The following MCPH1 variants were observed in gnomAD, a reference collection of about 807,000 sequenced individuals.
The protein encoded by MCPH1 is microcephalin.
A neutral mutation model predicts 84.5 loss-of-function variants in MCPH1; 104 were observed. The ratio of observed to expected loss-of-function variants is 1.23; its 90% CI spans 1.05 to 1.45. MCPH1 has a LOEUF of 1.45. MCPH1 is among the 40% of genes most tolerant of loss of function. The pLI is 0.00. For synonymous variants in MCPH1, 514 were observed against 366.8 expected, an observed-to-expected ratio of 1.40 and a Z score of -4.58; for missense variants, 1,498 against 1,005.7, an observed-to-expected ratio of 1.49 and a Z score of -6.62.
chr8:6,500,511 G>C (rs948800825), intron 12 of MCPH1: 6 of 154,034 alleles, frequency 3.9e-5, no homozygotes, highest in African/African-American at 1.4e-4. Flanking sequence ...TCATTCAAAA[G>C]ATTAATAGCT....
chr8:6,635,946 G>A (rs547471354), intron 13 of MCPH1, among the ~76,000 whole-genome samples: 3 of 152,330 alleles, frequency 2.0e-5, no homozygotes, highest in Non-Finnish European at 2.9e-5. Context: ...CCCTGAGCAC[G>A]TAAGTCTTCA....
chr8:6,618,306 A>G (rs114678511), intron 12 of MCPH1, among the ~76,000 whole-genome samples: 1,933 of 152,330 alleles, frequency 0.013, 43 homozygotes, highest in African/African-American at 0.044. Context: ...TTTAAAATGT[A>G]CCAGTGTGGG....
intron 11 of MCPH1, among the ~76,000 whole-genome samples, chr8:6,493,410 C>A (rs1810876260): frequency 6.6e-6 from 1 of 152,198 alleles, no homozygotes; most frequent in South Asian, 2.1e-4. Flanking sequence ...AGCTTGTTTT[C>A]CCTCTCACCA....
At chr8:6,470,359 C>G (rs1161826336) in intron 9 of MCPH1, among the ~76,000 whole-genome samples, 1 of 152,180 alleles carries the variant, frequency 6.6e-6, no homozygotes, top group Non-Finnish European at 1.5e-5. Flanking sequence ...TCTCCGCTCA[C>G]TGCAACTTCC....
intron 12 of MCPH1, among the ~76,000 whole-genome samples, chr8:6,547,839 C>T (rs1398288748): frequency 6.6e-6 from 1 of 151,786 alleles, no homozygotes; most frequent in African/African-American, 2.4e-5. Context: ...AGAGGTTTTC[C>T]TATTGTTAGG....
chr8:6,540,846 C>T (rs1728905140), intron 12 of MCPH1, among the ~76,000 whole-genome samples: 1 of 152,178 alleles, frequency 6.6e-6, no homozygotes, highest in African/African-American at 2.4e-5. Flanking sequence ...GTGGTTCGCA[C>T]ACGTGGACTC....
At position 6,480,766 on chromosome 8, in the gene MCPH1, G is replaced by C. The variant is rs748641264; in HGVS notation, c.2026G>C (p.Ala676Pro). ...VVDKLKGFSI[A>P]PDVCETTTHV... ...GGATAAATTGAAAGGCTTTTCAATT[G>C]CACCAGACGTCTGTGAGACCACGAC... Residue 676 changes from alanine (A) to proline (P), a missense_variant, in exon 11 of 14, where the codon GCA (alanine) becomes CCA (proline). Ala to Pro is a conservative substitution (Grantham distance 27). Transcript: ENST00000344683. The C allele has an allele frequency of 6.2e-7, 1 of 1,614,002 alleles. No individual in the cohort carries two copies. Among genetic ancestry groups the C allele is most frequent in the Non-Finnish European group, 8.5e-7 (1 of 1,180,004 alleles).
chr8:6,596,936 C>T (rs1397223941), intron 12 of MCPH1, among the ~76,000 whole-genome samples: 1 of 152,184 alleles, frequency 6.6e-6, no homozygotes, highest in African/African-American at 2.4e-5. Context: ...AGGATACGGT[C>T]AGAGTTAGCA....
intron 13 of MCPH1, among the ~76,000 whole-genome samples, chr8:6,628,724 C>CGGGCAACCCT (rs1796946374): frequency 6.6e-6 from 1 of 152,198 alleles, no homozygotes; most frequent in Admixed American, 6.5e-5. Flanking sequence ...CAAACACTCC[C>CGGGCAACCCT]GTGCTTGGGG....
intron 12 of MCPH1, among the ~76,000 whole-genome samples, chr8:6,553,152 C>G (rs1823960309): frequency 6.6e-6 from 1 of 152,100 alleles, no homozygotes; most frequent in African/African-American, 2.4e-5. Flanking sequence ...GTGCACCACT[C>G]TGGTGCAGGA....
intron 11 of MCPH1, among the ~76,000 whole-genome samples, chr8:6,489,876 A>T (rs1332628014): frequency 6.6e-6 from 1 of 152,220 alleles, no homozygotes; most frequent in Admixed American, 6.5e-5. Flanking sequence ...AAGATTATGT[A>T]TATTAATGAA....
intron 12 of MCPH1, among the ~76,000 whole-genome samples, chr8:6,612,610 G>T (rs1830382895): frequency 6.6e-6 from 1 of 152,224 alleles, no homozygotes; most frequent in South Asian, 2.1e-4. Context: ...GCTGGTTGCG[G>T]GCCTGCTCCG....
chr8:6,499,840 T>G lies in MCPH1; in HGVS notation c.2137-12T>G. On this transcript the variant is annotated splice_polypyrimidine_tract_variant and intron_variant, in intron 11 of 13. Coordinates refer to ENST00000344683, the MANE Select transcript of MCPH1 (RefSeq NM_024596.5). ...AAATGTATAATAAATCTGCTTGTTG[T>G]GTCACTTGCAGGTGCTATGGTCTTT... 2 of 1,612,006 alleles carry G rather than the reference T, an allele frequency of 1.2e-6. No homozygotes were observed. The highest frequency in any genetic ancestry group is 1.7e-6 in the Non-Finnish European group (2 of 1,179,186).
intron 12 of MCPH1, among the ~76,000 whole-genome samples, chr8:6,510,027 G>A (rs1005784480): frequency 6.6e-6 from 1 of 152,124 alleles, no homozygotes; most frequent in African/African-American, 2.4e-5. Context: ...TCACACCATC[G>A]TAAAGTCGAA....
chr8:6,467,547 G>A (rs1239257414), intron 9 of MCPH1, among the ~76,000 whole-genome samples: 1 of 152,136 alleles, frequency 6.6e-6, no homozygotes, highest in Non-Finnish European at 1.5e-5. Flanking sequence ...CCATGGATAG[G>A]AAAGTAGGAA....
chr8:6,450,319 T>G (rs990149741), intron 8 of MCPH1, among the ~76,000 whole-genome samples: 2 of 151,984 alleles, frequency 1.3e-5, no homozygotes, highest in Non-Finnish European at 2.9e-5. Context: ...AAGGCCCAGT[T>G]CTCTGTCCTT....
rs148003753 is a variant in MCPH1, at chr8:6,611,452, C to G, written c.2215-10002C>G. Among the ~76,000 whole-genome samples the G allele has an allele frequency of 3.6e-3, 542 of 152,298 alleles. 4 individuals are homozygous for G. The highest frequency in any genetic ancestry group is 0.013 in the African/African-American group (521 of 41,556). ...ACACTTAACATTGACCAATTCATCA[C>G]AAACGTTATTTTGAAAGGATGTGAA... is the stretch of plus-strand genomic sequence containing the variant. On this transcript the variant is annotated intron_variant, in intron 12 of 13. Transcript: ENST00000344683.
intron 12 of MCPH1, among the ~76,000 whole-genome samples, chr8:6,511,899 C>CTTTTTTTTTTTTTTTTT: frequency 7.0e-6 from 1 of 141,954 alleles, no homozygotes; most frequent in Non-Finnish European, 1.5e-5. Context: ...TTTTGTGCTT[C>CTTTTTTTTTTTTTTTTT]TTTTTTTTTT....
intron 13 of MCPH1, among the ~76,000 whole-genome samples, chr8:6,636,489 T>G (rs1447115160): frequency 6.6e-6 from 1 of 152,142 alleles, no homozygotes; most frequent in Non-Finnish European, 1.5e-5. Flanking sequence ...ATTTGTTTGT[T>G]TATTTTTTGA....
Sources: gnomAD v4.1 joint callset for allele counts (sites outside exome capture counted in the v4.1 genomes callset) on GRCh38, gnomAD v4.1.1 for gene constraint, MANE v1.5 for transcripts, NCBI Gene and HGNC (gene_info 2026-07-23, HGNC 2026-07-21) for gene names.